SLIT1: variants seen among roughly 807,000 people sequenced by gnomAD.
SLIT1 encodes slit homolog 1 protein.
A neutral mutation model predicts 186.1 loss-of-function variants in SLIT1; 66 were observed. The ratio of observed to expected loss-of-function variants is 0.35; its 90% CI spans 0.29 to 0.44. The LOEUF (loss-of-function observed/expected upper bound fraction) is 0.44. SLIT1 is among the 20% of genes least tolerant of loss of function. The pLI is 1.00. For missense variants in SLIT1, 1,638 were observed against 2,037.4 expected (o/e 0.80, Z 3.77); for synonymous variants, 761 against 833.8 (o/e 0.91, Z 1.50).
intron 4 of SLIT1, among the ~76,000 whole-genome samples, chr10:97,129,675 C>T (rs1286808288): frequency 6.6e-6 from 1 of 152,160 alleles, no homozygotes; most frequent in Non-Finnish European, 1.5e-5. Flanking sequence ...GCCCATCTCA[C>T]CAGCCTTCCA....
chr10:97,048,980 G>T lies in SLIT1; in HGVS notation c.1440C>A (p.Ile480=). ...RRLANKRIGQ[I]KSKKFRCSAK... ...CTGAGCACCGGAACTTCTTGCTCTT[G>T]ATCTGCCCGATGCGCTTGTTGGCGA... Residue 480 remains isoleucine, a synonymous_variant, in exon 14 of 37, where the codon ATC becomes ATA. Coordinates refer to ENST00000266058, the MANE Select transcript of SLIT1 (RefSeq NM_003061.3). 6.2e-7 allele frequency: 1 copy of T among 1,609,038 alleles called. No homozygotes were observed.
chr10:97,104,432 G>A (rs778453166), intron 4 of SLIT1, among the ~76,000 whole-genome samples: 6 of 152,072 alleles, frequency 3.9e-5, no homozygotes, highest in Non-Finnish European at 8.8e-5. Context: ...AATGATGCAC[G>A]TAAGGCAGTA....
intron 26 of SLIT1, 151 bp from the exon 27 acceptor site, chr10:97,019,258 CCA>C: frequency 1.6e-6 from 1 of 608,550 alleles, no homozygotes. Context: ...CTTGCACTGC[CCA>C]CCTTTCCAGC....
chr10:97,065,011 C>A, intron 5 of SLIT1, 135 bp from the exon 6 acceptor site: 2 of 520,212 alleles, frequency 3.8e-6, no homozygotes, highest in South Asian at 8.5e-5. Flanking sequence ...ATGTGTCAAT[C>A]CAAATAGCGA....
intron 4 of SLIT1, among the ~76,000 whole-genome samples, chr10:97,134,921 AG>A (rs1564684376): frequency 2.6e-5 from 4 of 152,214 alleles, no homozygotes; most frequent in African/African-American, 9.7e-5. Flanking sequence ...TCACCAAATG[AG>A]GGGTCTCCTC....
At chr10:97,073,495 CAG>C (rs2134647841) in intron 4 of SLIT1, among the ~76,000 whole-genome samples, 1 of 152,308 alleles carries the variant, frequency 6.6e-6, no homozygotes, top group African/African-American at 2.4e-5. Flanking sequence ...CGGAGCCAGA[CAG>C]GGGTTCAGAA....
chr10:97,173,113 G>A (rs952576512), intron 1 of SLIT1, among the ~76,000 whole-genome samples: 8 of 152,154 alleles, frequency 5.3e-5, no homozygotes, highest in East Asian at 1.9e-4. Context: ...TATGAGCAAG[G>A]AAATAGCGTC....
chr10:97,075,151 G>T (rs1193403611), intron 4 of SLIT1, among the ~76,000 whole-genome samples: 4 of 152,200 alleles, frequency 2.6e-5, no homozygotes, highest in Admixed American at 2.6e-4. Flanking sequence ...AGCCCGAGTG[G>T]TTACCTTGAA....
intron 4 of SLIT1, among the ~76,000 whole-genome samples, chr10:97,121,668 C>T: frequency 6.6e-6 from 1 of 152,170 alleles, no homozygotes. Context: ...CGTGATTCTG[C>T]AAGCCCACCC....
chr10:97,078,527 G>A (rs1046789462), intron 4 of SLIT1, among the ~76,000 whole-genome samples: 2 of 152,160 alleles, frequency 1.3e-5, no homozygotes, highest in Admixed American at 1.3e-4. Context: ...AGATATCAGG[G>A]GCACATCCCA....
intron 4 of SLIT1, among the ~76,000 whole-genome samples, chr10:97,081,813 G>A (rs892463793): frequency 1.3e-5 from 2 of 152,172 alleles, no homozygotes; most frequent in African/African-American, 4.8e-5. Context: ...ACAAGGAGTC[G>A]CTGTCTGGGG....
chr10:97,158,772 C>T (rs1408003921), intron 3 of SLIT1, among the ~76,000 whole-genome samples: 2 of 151,418 alleles, frequency 1.3e-5, no homozygotes, highest in African/African-American at 2.4e-5. Context: ...CCCAGCAACT[C>T]GGGAGGCTGA....
intron 4 of SLIT1, among the ~76,000 whole-genome samples, chr10:97,144,155 AC>A (rs1446437193): frequency 2.6e-5 from 4 of 151,566 alleles, no homozygotes; most frequent in African/African-American, 9.7e-5. Context: ...CCGAGATAGC[AC>A]CATTGCACTC....
chr10:97,066,479 G>A (rs1848947738), intron 4 of SLIT1, among the ~76,000 whole-genome samples: 1 of 152,172 alleles, frequency 6.6e-6, no homozygotes, highest in African/African-American at 2.4e-5. Context: ...TGGAGGTGGG[G>A]CCTGGTGGGA....
Position 97,060,396 on chromosome 10 carries a change from C to T in SLIT1, c.942-238G>A, listed in dbSNP as rs7893233. Among the ~76,000 whole-genome samples the T allele has an allele frequency of 2.2e-3, 332 of 152,360 alleles. 1 individual carries two copies. The highest frequency in any genetic ancestry group is 7.8e-3 in the African/African-American group (325 of 41,586). ...AGGGGCCCACAAATGATGCTGAGAA[C>T]CTGATTCTAGCAGACTCACGCAGCT... On this transcript the variant is annotated intron_variant, in intron 9 of 36. Transcript: ENST00000266058.
In SLIT1 at chr10:97,013,795, T is replaced by A. The variant is rs375965944; in HGVS notation, c.3149A>T (p.Asp1050Val). The change falls in exon 30 of 37, where the codon GAT becomes GTT. Residue 1050 changes from aspartate to valine, a missense_variant. Asp to Val is a radical substitution (Grantham distance 152). This residue lies in a region of SLIT1 where 1,245 missense variants were observed against 1,535.3 expected (regional missense o/e 0.81). Coordinates refer to ENST00000266058, the MANE Select transcript of SLIT1 (RefSeq NM_003061.3). ...GGCCTCGTGTTGACATGGGTTCAGATCCGGAGAGCACAAGTCCACCAGCTG... is the reference window on the plus strand; with the variant it reads ...GGCCTCGTGTTGACATGGGTTCAGAACCGGAGAGCACAAGTCCACCAGCTG... ...CEQLVDLCSP[D>V]LNPCQHEAQC... The A allele has an allele frequency of 5.2e-5, 81 of 1,551,400 alleles. No individual in the cohort carries two copies. The Middle Eastern group carries it at 6.7e-4, about 13-fold the overall frequency.
At chr10:97,156,571 C>T (rs1212476540) in intron 4 of SLIT1, among the ~76,000 whole-genome samples, 1 of 152,070 alleles carries the variant, frequency 6.6e-6, no homozygotes, top group African/African-American at 2.4e-5. Context: ...AGCAACATCT[C>T]GTCTCAAAAA....
intron 4 of SLIT1, among the ~76,000 whole-genome samples, chr10:97,149,469 G>T (rs917705406): frequency 3.9e-5 from 6 of 152,256 alleles, no homozygotes; most frequent in Non-Finnish European, 5.9e-5. Flanking sequence ...GAACCGGGCG[G>T]GGCAGAAGCA....
chr10:97,025,290 A>C (rs1278781400), intron 25 of SLIT1, among the ~76,000 whole-genome samples: 1 of 152,236 alleles, frequency 6.6e-6, no homozygotes, highest in Non-Finnish European at 1.5e-5. Context: ...GTCTCAAAAA[A>C]CAAAAACAAA....
Sources: gnomAD v4.1 joint callset for allele counts (sites outside exome capture counted in the v4.1 genomes callset) on GRCh38, gnomAD v4.1.1 for gene constraint, gnomAD v4.1.1 regional missense constraint, MANE v1.5 for transcripts, NCBI Gene and HGNC (gene_info 2026-07-23, HGNC 2026-07-21) for gene names.